CA8: variants seen among roughly 807,000 people sequenced by gnomAD.
CA8 encodes carbonic anhydrase 8 (inactive).
Under a neutral mutation model 41.4 loss-of-function variants are expected in CA8, and 22 were observed. That is an observed-to-expected ratio of 0.53 (90% CI 0.38 to 0.76). The LOEUF is 0.76. Ranked by LOEUF, CA8 falls within the 30% of genes least tolerant of loss-of-function variation. The pLI, the probability that CA8 is intolerant of heterozygous loss-of-function variation, is 0.00. For synonymous variants in CA8, 121 were observed against 130.6 expected (o/e 0.93, Z 0.50); for missense variants, 270 against 352.8 (o/e 0.77, Z 1.88).
At position 60,265,953 on chromosome 8, in the gene CA8, G is replaced by A. The variant is rs139958315; in HGVS notation, c.389C>T (p.Thr130Met). 23 of 1,613,880 alleles carry A rather than the reference G, an allele frequency of 1.4e-5. No individual in the cohort carries two copies. Among genetic ancestry groups the A allele is most frequent in the East Asian group, 4.5e-5 (2 of 44,890 alleles). ...GRENQRGSEH[T>M]VNFKAFPMEL... ...CATGGGAAAAGCTTTGAAATTAACC[G>A]TGTGCTCAGAACCACGCTGGTTTTC... is the stretch of plus-strand genomic sequence containing the variant. The change falls in exon 3 of 9, where the codon ACG (threonine) becomes ATG (methionine). Residue 130 changes from threonine (T) to methionine (M), a missense_variant. Physicochemically the swap from Thr to Met is moderately conservative, Grantham distance 81 (BLOSUM62 -1). Transcript: ENST00000317995.
intron 8 of CA8, among the ~76,000 whole-genome samples, chr8:60,204,499 C>T (rs953249648): frequency 3.3e-5 from 5 of 152,096 alleles, no homozygotes; most frequent in South Asian, 2.1e-4. Context: ...TTTTAAAGCA[C>T]GAATTATTTT....
At position 60,194,645 on chromosome 8, in the gene CA8, A is replaced by T. The variant is rs1806227139; in HGVS notation, c.*36-4660T>A. On this transcript the variant is annotated intron_variant, in intron 8 of 8. Transcript: ENST00000317995. ...AGTGCTTCTTAAATAGCTTTCAACC[A>T]ATACAGATGTCTTTAGCCTCCTTTT... Among the ~76,000 whole-genome samples, 2 of 152,154 alleles carry T rather than the reference A, an allele frequency of 1.3e-5. 1 individual carries two copies. The highest frequency in any genetic ancestry group is 4.1e-4 in the South Asian group (2 of 4,828).
intron 8 of CA8, among the ~76,000 whole-genome samples, chr8:60,206,605 C>A (rs1471842135): frequency 2.1e-5 from 3 of 144,158 alleles, no homozygotes; most frequent in Non-Finnish European, 3.0e-5. Flanking sequence ...CCTGTGAACA[C>A]ATCCTTCCCT....
chr8:60,197,556 G>A (rs780274057), intron 8 of CA8, among the ~76,000 whole-genome samples: 3 of 152,104 alleles, frequency 2.0e-5, no homozygotes, highest in East Asian at 3.9e-4. Flanking sequence ...ATCAGTTAAC[G>A]TTTTCAAGGT....
chr8:60,256,032 C>T (rs899342897), intron 3 of CA8, among the ~76,000 whole-genome samples: 1 of 117,886 alleles, frequency 8.5e-6, no homozygotes, highest in African/African-American at 4.6e-5. Flanking sequence ...TCTCAGCTTC[C>T]GTAGTAGCTG....
At chr8:60,209,453 C>G (rs1254657798) in intron 7 of CA8, among the ~76,000 whole-genome samples, 1 of 152,190 alleles carries the variant, frequency 6.6e-6, no homozygotes, top group Non-Finnish European at 1.5e-5. Flanking sequence ...CCGTTGCACT[C>G]CAGCCTGAGT....
At position 60,224,567 on chromosome 8, in the gene CA8, G is replaced by T; in HGVS notation, c.595C>A (p.Pro199Thr). The part of the protein sequence containing the change: ...IQYKGKSKTI[P>T]CFNPNTLLPD... ...AATAAAGTGTTAGGATTAAAGCAAGGTATTGTTTTGGACTTCCCCTGAAAA... is the reference window on the plus strand; with the variant it reads ...AATAAAGTGTTAGGATTAAAGCAAGTTATTGTTTTGGACTTCCCCTGAAAA... The change falls in exon 6 of 9, where the codon CCT becomes ACT. Residue 199 changes from proline (P) to threonine (T), a missense_variant. Around this residue, in one of 3 missense-constraint regions of CA8, gnomAD observed 141 missense variants for 191.6 expected, o/e 0.74. Coordinates refer to ENST00000317995, the MANE Select transcript of CA8 (RefSeq NM_004056.6). 1 of 1,576,094 alleles carries T rather than the reference G, an allele frequency of 6.3e-7. No homozygotes were observed. The highest frequency in any genetic ancestry group is 8.7e-7 in the Non-Finnish European group (1 of 1,146,594).
At chr8:60,214,029 A>G (rs558442879) in intron 7 of CA8, among the ~76,000 whole-genome samples, 2 of 152,360 alleles carry the variant, frequency 1.3e-5, no homozygotes, top group African/African-American at 4.8e-5. Context: ...ACAGGGGTGG[A>G]ACGCAGCAAT....
At chr8:60,205,427 T>C (rs1337771370) in intron 8 of CA8, among the ~76,000 whole-genome samples, 1 of 152,180 alleles carries the variant, frequency 6.6e-6, no homozygotes, top group Non-Finnish European at 1.5e-5. Context: ...TGAGTACCAA[T>C]GTCATGATAC....
At chr8:60,204,413 G>A (rs187866759) in intron 8 of CA8, among the ~76,000 whole-genome samples, 33 of 152,204 alleles carry the variant, frequency 2.2e-4, no homozygotes, top group African/African-American at 7.5e-4. Context: ...TTCATAGTGG[G>A]AGGAAAAAAT....
chr8:60,269,913 G>A (rs1262564863), intron 2 of CA8, among the ~76,000 whole-genome samples: 1 of 152,200 alleles, frequency 6.6e-6, no homozygotes, highest in East Asian at 1.9e-4. Context: ...CATAAAGTCA[G>A]GTAAGATGTT....
At chr8:60,240,429 G>A (rs1807981931) in intron 3 of CA8, among the ~76,000 whole-genome samples, 1 of 152,244 alleles carries the variant, frequency 6.6e-6, no homozygotes, top group Non-Finnish European at 1.5e-5. Context: ...ATCACTGGTT[G>A]AGAGTGAGCA....
At position 60,216,633 on chromosome 8, in the gene CA8, G is replaced by A. The variant is rs185422707; in HGVS notation, c.738+6016C>T. Among the ~76,000 whole-genome samples, 124 of 152,292 alleles carry A rather than the reference G, an allele frequency of 8.1e-4. 3 individuals are homozygous for A. The highest frequency in any genetic ancestry group is 7.6e-3 in the Admixed American group (117 of 15,304). On this transcript the variant is annotated intron_variant, in intron 7 of 8. Transcript: ENST00000317995. ...TATTTCAAGGAAAAATACAAAGTTA[G>A]GTTCCCTTTGAAGCCAGAGAGCCTA...
rs2130355922 is a variant in CA8 at position 60,185,563 on chromosome 8, T to G, written c.*4458A>C. ...AATCTGGGGCAGGGGGGAAACCATT[T>G]GTTTTTGAAAGCAGAAACAGAAAAA... On this transcript the variant is annotated 3_prime_UTR_variant, in exon 9 of 9. Transcript: ENST00000317995. Among the ~76,000 whole-genome samples the G allele has an allele frequency of 6.6e-6, 1 of 152,314 alleles. No individual in the cohort carries two copies. The highest frequency in any genetic ancestry group is 2.1e-4 in the South Asian group (1 of 4,830).
At chr8:60,209,411 T>C (rs1388350619) in intron 7 of CA8, among the ~76,000 whole-genome samples, 1 of 152,086 alleles carries the variant, frequency 6.6e-6, no homozygotes, top group Non-Finnish European at 1.5e-5. Context: ...CTTGAACCCA[T>C]GAGGCGGAGG....
chr8:60,276,235 G>C (rs952290544), intron 2 of CA8, among the ~76,000 whole-genome samples: 2 of 152,146 alleles, frequency 1.3e-5, no homozygotes, highest in South Asian at 4.1e-4. Context: ...GGAAACATCC[G>C]ATCTAACACA....
At chr8:60,209,170 A>T (rs1318216666) in intron 7 of CA8, among the ~76,000 whole-genome samples, 1 of 152,216 alleles carries the variant, frequency 6.6e-6, no homozygotes, top group African/African-American at 2.4e-5. Context: ...TAGATAAAGA[A>T]ATCTGCTCCA....
intron 3 of CA8, among the ~76,000 whole-genome samples, chr8:60,257,183 G>A (rs1388348365): frequency 6.6e-6 from 1 of 152,032 alleles, no homozygotes; most frequent in Non-Finnish European, 1.5e-5. Flanking sequence ...TTGCCATTTT[G>A]GCCAGGCTGC....
chr8:60,275,468 A>T (rs10090853), intron 2 of CA8, among the ~76,000 whole-genome samples: 58,243 of 126,442 alleles, frequency 0.46, 11,260 homozygotes, highest in South Asian at 0.51. Flanking sequence ...TATTTTTTTT[A>T]AAAAAAAAGG....
Sources: gnomAD v4.1 joint callset for allele counts (sites outside exome capture counted in the v4.1 genomes callset) on GRCh38, gnomAD v4.1.1 for gene constraint, gnomAD v4.1.1 regional missense constraint, MANE v1.5 for transcripts, NCBI Gene and HGNC (gene_info 2026-07-23, HGNC 2026-07-21) for gene names.